Variants in CSNK2A3 observed in about 807,000 individuals in gnomAD.
The protein encoded by CSNK2A3 is casein kinase 2 alpha 3.
CSNK2A3 carries 31 observed loss-of-function variants against 36.5 expected under a neutral mutation model. The ratio of observed to expected loss-of-function variants is 0.85; its 90% confidence interval spans 0.64 to 1.15. The LOEUF (loss-of-function observed/expected upper bound fraction) is 1.15. Ranked by LOEUF, CSNK2A3 falls within the 50% of genes most tolerant of loss-of-function variation. The probability of loss-of-function intolerance (pLI) is 0.00; values close to 1 mark genes in which losing one functional copy is unlikely to be tolerated. For synonymous variants in CSNK2A3, 152 were observed against 176.3 expected (o/e 0.86, Z 1.09); for missense variants, 443 against 487.2 (o/e 0.91, Z 0.85).
chr11:11,353,079 T>C lies in CSNK2A3; in HGVS notation c.41A>G (p.Asp14Gly), dbSNP rs746004196. The change falls in exon 1 of 1, where the codon GAT becomes GGT. Residue 14 changes from aspartate (D) to glycine (G), a missense_variant. Transcript: ENST00000528848. ...PVPSRARVYTDVNTHRPREYW... is the reference protein window; with the variant it reads ...PVPSRARVYTGVNTHRPREYW... ...TTCTCGAGGTCTGTGTGTATTAACA[T>C]CTGTGTAAACTCTGGCCCTGCTTGG... 2 of 1,614,084 alleles carry C rather than the reference T, an allele frequency of 1.2e-6. No individual in the cohort carries two copies. Among genetic ancestry groups the C allele is most frequent in the African/African-American group, 2.7e-5 (2 of 74,924 alleles).
At position 11,352,831 on chromosome 11, in the gene CSNK2A3, G is replaced by C; in HGVS notation, c.289C>G (p.Leu97Val). ...ACAGGGTCTTTTACAATGTCTGCCA[G>C]TGTGATGATGTTGGGACCTCCTCTC... Reference protein sequence around the residue: ...NLRGGPNIITLADIVKDPVSR... With the variant: ...NLRGGPNIITVADIVKDPVSR... The change falls in exon 1 of 1, where the codon CTG (leucine) becomes GTG (valine). Residue 97 changes from leucine to valine, a missense_variant. Coordinates refer to ENST00000528848, the MANE Select transcript of CSNK2A3 (RefSeq NM_001256686.2). 3.1e-6 allele frequency: 5 copies of C among 1,614,228 alleles called. No homozygotes were observed. The highest frequency in any genetic ancestry group is 4.2e-6 in the Non-Finnish European group (5 of 1,180,040).
At position 11,352,719 on chromosome 11, in the gene CSNK2A3, C is replaced by A; in HGVS notation, c.401G>T (p.Arg134Leu). The A allele has an allele frequency of 6.2e-7, 1 of 1,614,066 alleles. No homozygotes were observed. The highest frequency in any genetic ancestry group is 1.1e-5 in the South Asian group (1 of 91,062). Residue 134 changes from arginine (R) to leucine (L), a missense_variant, in exon 1 of 1, where the codon CGA becomes CTA. Transcript: ENST00000528848. Reference sequence around the variant, plus strand: ...CTTCAGAATCTCATACATGTAAAATCGAATATCATAGTCTGTTAACGTCTG... The same window carrying A: ...CTTCAGAATCTCATACATGTAAAATAGAATATCATAGTCTGTTAACGTCTG... ...LYQTLTDYDIRFYMYEILKAL... is the reference protein window; with the variant it reads ...LYQTLTDYDILFYMYEILKAL...
At position 11,352,719 on chromosome 11, in the gene CSNK2A3, C is replaced by T. The variant is rs1043839458; in HGVS notation, c.401G>A (p.Arg134Gln). Reference sequence around the variant, plus strand: ...CTTCAGAATCTCATACATGTAAAATCGAATATCATAGTCTGTTAACGTCTG... The same window carrying T: ...CTTCAGAATCTCATACATGTAAAATTGAATATCATAGTCTGTTAACGTCTG... ...LYQTLTDYDI[R>Q]FYMYEILKAL... Residue 134 changes from arginine (R) to glutamine (Q), a missense_variant, in exon 1 of 1, where the codon CGA becomes CAA. Coordinates refer to ENST00000528848, the MANE Select transcript of CSNK2A3 (RefSeq NM_001256686.2). The T allele has an allele frequency of 8.1e-6, 13 of 1,613,948 alleles. No individual in the cohort carries two copies. Among genetic ancestry groups the T allele is most frequent in the East Asian group, 2.2e-5 (1 of 44,882 alleles).
In CSNK2A3 at chr11:11,352,732, C is replaced by A. The variant is rs768980130; in HGVS notation, c.388G>T (p.Asp130Tyr). Reference sequence around the variant, plus strand: ...TACATGTAAAATCGAATATCATAGTCTGTTAACGTCTGGTACAATTGCTTG... The same window carrying A: ...TACATGTAAAATCGAATATCATAGTATGTTAACGTCTGGTACAATTGCTTG... ...DFKQLYQTLT[D>Y]YDIRFYMYEI... The change falls in exon 1 of 1, where the codon GAC (aspartate) becomes TAC (tyrosine). Residue 130 changes from aspartate to tyrosine, a missense_variant. By Grantham distance (160) the Asp-to-Tyr change is radical. Transcript: ENST00000528848. 9.3e-6 allele frequency: 15 copies of A among 1,614,152 alleles called. No individual in the cohort carries two copies. The South Asian group carries it at 1.4e-4, about 15-fold the overall frequency.
At position 11,352,303 on chromosome 11, in the gene CSNK2A3, A is replaced by G; in HGVS notation, c.817T>C (p.Leu273=). ...IELDPRFNDI[L]GRHSRKRWER... ...CATCGCTTTCGAGAGTGTCTGCCCA[A>G]GATATCATTGAAACGTGGATCTAAT... Residue 273 remains leucine (L), a synonymous_variant, in exon 1 of 1, where the codon TTG becomes CTG. Coordinates refer to ENST00000528848, the MANE Select transcript of CSNK2A3 (RefSeq NM_001256686.2). The G allele has an allele frequency of 4.3e-6, 7 of 1,614,134 alleles. No homozygotes were observed. Among genetic ancestry groups the G allele is most frequent in the Non-Finnish European group, 5.9e-6 (7 of 1,180,026 alleles).
At position 11,353,241 on chromosome 11, in the gene CSNK2A3, GC is replaced by G; in HGVS notation, c.-123del. The G allele has an allele frequency of 1.6e-6, 2 of 1,258,766 alleles. No individual in the cohort carries two copies. The highest frequency in any genetic ancestry group is 2.8e-5 in the South Asian group (2 of 72,704). 78.0% of individuals were successfully genotyped at this position (1,258,766 alleles called of 1,614,324 possible). A position where few individuals can be genotyped will look rare whatever the true frequency, so the allele number is the denominator to read the frequency against. On this transcript the variant is annotated 5_prime_UTR_variant, in exon 1 of 1. Transcript: ENST00000528848. ...CTGTTTTCTTCACACTGTGGTGGAA[GC>G]GGCAGCGGCTGTGGCCGCTCTCCCT...
chr11:11,352,623 T>C lies in CSNK2A3; in HGVS notation c.497A>G (p.His166Arg). The change falls in exon 1 of 1, where the codon CAT becomes CGT. Residue 166 changes from histidine (H) to arginine (R), a missense_variant. Transcript: ENST00000528848. ...DVKPHNVMIDHEHRKLRLIDW... is the reference protein window; with the variant it reads ...DVKPHNVMIDREHRKLRLIDW... ...TATTAGTCGTAGCTTTCTGTGCTCA[T>C]GATCAATCATGACATTATGGGGCTT... 6.2e-7 allele frequency: 1 copy of C among 1,614,218 alleles called. No homozygotes were observed. The highest frequency in any genetic ancestry group is 1.3e-5 in the African/African-American group (1 of 75,066).
Position 11,352,375 on chromosome 11 carries a change from G to A in CSNK2A3, c.745C>T (p.Leu249=). The A allele has an allele frequency of 1.2e-6, 2 of 1,614,026 alleles. No individual in the cohort carries two copies. The highest frequency in any genetic ancestry group is 1.7e-6 in the Non-Finnish European group (2 of 1,180,002). Residue 249 remains leucine, a synonymous_variant, in exon 1 of 1, where the codon CTG becomes TTG. Coordinates refer to ENST00000528848, the MANE Select transcript of CSNK2A3 (RefSeq NM_001256686.2). ...TAGCCATATAAATCTTCTGTCCCCA[G>A]AAACTTGGCTATCCTCACCAACTGA... The part of the protein sequence containing the change: ...YDQLVRIAKF[L]GTEDLYGYID...
In CSNK2A3 at chr11:11,351,955, C is replaced by T. The variant is rs549781353; in HGVS notation, c.1165G>A (p.Ala389Thr). 8.0e-5 allele frequency: 127 copies of T among 1,594,166 alleles called. 1 individual carries two copies. In the South Asian group the frequency reaches 8.2e-4, roughly 10 times the overall value. ...LGMPVPAATG[A>T]QQ Reference sequence around the variant, plus strand: ...GACAGATAGGGCCGTTACTGCTGAGCGCCAGTGGCAGCTGGAACAGGCATC... The same window carrying T: ...GACAGATAGGGCCGTTACTGCTGAGTGCCAGTGGCAGCTGGAACAGGCATC... Residue 389 changes from alanine (A) to threonine (T), a missense_variant, in exon 1 of 1, where the codon GCT becomes ACT. Ala to Thr is a moderately conservative substitution (Grantham distance 58). Coordinates refer to ENST00000528848, the MANE Select transcript of CSNK2A3 (RefSeq NM_001256686.2).
chr11:11,352,145 G>GCC, the CSNK2A3 span: 1 of 1,613,474 alleles, frequency 6.2e-7, no homozygotes, highest in Non-Finnish European at 8.5e-7. Context: ...TCACAACAGT[G>GCC]TAGAAATAGG....
chr11:11,352,812 T>A lies in CSNK2A3; in HGVS notation c.308A>T (p.Asp103Val). Residue 103 changes from aspartate to valine, a missense_variant, in exon 1 of 1, where the codon GAC becomes GTC. Asp to Val is a radical substitution (Grantham distance 152). Transcript: ENST00000528848. ...CAAGGCGGGGGTTCGTGACACAGGG[T>A]CTTTTACAATGTCTGCCAGTGTGAT... ...NIITLADIVK[D>V]PVSRTPALVF... 1 of 1,614,150 alleles carries A rather than the reference T, an allele frequency of 6.2e-7. No homozygotes were observed. Among genetic ancestry groups the A allele is most frequent in the East Asian group, 2.2e-5 (1 of 44,888 alleles).
chr11:11,352,214 G>C lies in CSNK2A3; in HGVS notation c.906C>G (p.Asp302Glu). 1.2e-6 allele frequency: 2 copies of C among 1,613,894 alleles called. No individual in the cohort carries two copies. Among genetic ancestry groups the C allele is most frequent in the African/African-American group, 2.7e-5 (2 of 74,960 alleles). Residue 302 changes from aspartate to glutamate, a missense_variant, in exon 1 of 1, where the codon GAC becomes GAG. Coordinates refer to ENST00000528848, the MANE Select transcript of CSNK2A3 (RefSeq NM_001256686.2). Reference protein sequence around the residue: ...LVSPEALDFLDKLLRYDHQSR... With the variant: ...LVSPEALDFLEKLLRYDHQSR... ...ACTGGTGGTCATATCGCAGCAGTTT[G>C]TCCAGGAAATCCAAGGCCTCAGGGC...
At position 11,352,076 on chromosome 11, in the gene CSNK2A3, G is replaced by A. The variant is rs556564067; in HGVS notation, c.1044C>T (p.Ser348=). Residue 348 remains serine (S), a synonymous_variant, in exon 1 of 1, where the codon AGC becomes AGT. Transcript: ENST00000528848. ...SMPGGSTPVS[S]ANVMSGISSV... ...AAGAAATCCCTGACATCACATTGGC[G>A]CTGCTGACGGGCGTACTGCCCCCTG... 2.5e-4 allele frequency: 411 copies of A among 1,613,756 alleles called. No individual in the cohort carries two copies. The African/African-American group carries it at 4.2e-3, about 17-fold the overall frequency.
Position 11,352,548 on chromosome 11 carries a change from C to T in CSNK2A3, c.572G>A (p.Arg191Gln), listed in dbSNP as rs777379727. The T allele has an allele frequency of 1.5e-5, 25 of 1,614,110 alleles. No individual in the cohort carries two copies. Among genetic ancestry groups the T allele is most frequent in the Admixed American group, 1.3e-4 (8 of 60,016 alleles). The change falls in exon 1 of 1, where the codon CGA becomes CAA. Residue 191 changes from arginine to glutamine, a missense_variant. Coordinates refer to ENST00000528848, the MANE Select transcript of CSNK2A3 (RefSeq NM_001256686.2). ...FYHPGQEYNV[R>Q]VASRYFKGPE... The stretch of plus-strand genomic sequence containing the variant: ...ACCTTTGAAGTATCGGGAAGCAACT[C>T]GGACATTATATTCTTGGCCAGGATG...
At position 11,352,302 on chromosome 11, in the gene CSNK2A3, A is replaced by G. The variant is rs761691131; in HGVS notation, c.818T>C (p.Leu273Ser). The change falls in exon 1 of 1, where the codon TTG (leucine) becomes TCG (serine). Residue 273 changes from leucine to serine, a missense_variant. Coordinates refer to ENST00000528848, the MANE Select transcript of CSNK2A3 (RefSeq NM_001256686.2). ...IELDPRFNDILGRHSRKRWER... is the reference protein window; with the variant it reads ...IELDPRFNDISGRHSRKRWER... ...CCATCGCTTTCGAGAGTGTCTGCCC[A>G]AGATATCATTGAAACGTGGATCTAA... 4 of 1,614,008 alleles carry G rather than the reference A, an allele frequency of 2.5e-6. No homozygotes were observed. In the African/African-American group the frequency reaches 5.3e-5, roughly 22 times the overall value.
chr11:11,353,196 G>A lies in CSNK2A3; in HGVS notation c.-77C>T. 3 of 1,580,046 alleles carry A rather than the reference G, an allele frequency of 1.9e-6. No individual in the cohort carries two copies. The highest frequency in any genetic ancestry group is 2.2e-5 in the East Asian group (1 of 44,566). On this transcript the variant is annotated 5_prime_UTR_variant, in exon 1 of 1. Transcript: ENST00000528848. ...TCACTGTGTTCAGAAGCAGCTTGGGGGTAAGACCTTGTTTCAGACCTGTTT... is the reference window on the plus strand; with the variant it reads ...TCACTGTGTTCAGAAGCAGCTTGGGAGTAAGACCTTGTTTCAGACCTGTTT...
chr11:11,353,217 T>C lies in CSNK2A3; in HGVS notation c.-98A>G. On this transcript the variant is annotated 5_prime_UTR_variant, in exon 1 of 1. Coordinates refer to ENST00000528848, the MANE Select transcript of CSNK2A3 (RefSeq NM_001256686.2). The stretch of plus-strand genomic sequence containing the variant: ...TGGGGGTAAGACCTTGTTTCAGACC[T>C]GTTTTCTTCACACTGTGGTGGAAGC... 1 of 1,459,652 alleles carries C rather than the reference T, an allele frequency of 6.9e-7. No homozygotes were observed. Among genetic ancestry groups the C allele is most frequent in the South Asian group, 1.2e-5 (1 of 83,984 alleles). 90.4% of individuals were successfully genotyped at this position (1,459,652 alleles called of 1,614,324 possible). A position where few individuals can be genotyped will look rare whatever the true frequency, so the allele number is the denominator to read the frequency against.
Position 11,352,067 on chromosome 11 carries a change from C to G in CSNK2A3, c.1053G>C (p.Val351=). Residue 351 remains valine (V), a synonymous_variant, in exon 1 of 1, where the codon GTG becomes GTC. Coordinates refer to ENST00000528848, the MANE Select transcript of CSNK2A3 (RefSeq NM_001256686.2). ...TTGGCACTGAAGAAATCCCTGACAT[C>G]ACATTGGCGCTGCTGACGGGCGTAC... The part of the protein sequence containing the change: ...GGSTPVSSAN[V]MSGISSVPTP... 6.2e-7 allele frequency: 1 copy of G among 1,613,790 alleles called. No individual in the cohort carries two copies. The highest frequency in any genetic ancestry group is 8.5e-7 in the Non-Finnish European group (1 of 1,179,988).
At position 11,352,414 on chromosome 11, in the gene CSNK2A3, G is replaced by C. The variant is rs1474657029; in HGVS notation, c.706C>G (p.Arg236Gly). Residue 236 changes from arginine to glycine, a missense_variant, in exon 1 of 1, where the codon CGT (arginine) becomes GGT (glycine). Coordinates refer to ENST00000528848, the MANE Select transcript of CSNK2A3 (RefSeq NM_001256686.2). ...IFRKEPFFHG[R>G]DNYDQLVRIA... The stretch of plus-strand genomic sequence containing the variant: ...CTCACCAACTGATCATAATTGTCAC[G>C]TCCATGGAAAAATGGCTCCTTCCGA... 6.2e-7 allele frequency: 1 copy of C among 1,613,982 alleles called. No individual in the cohort carries two copies. The highest frequency in any genetic ancestry group is 8.5e-7 in the Non-Finnish European group (1 of 1,180,026).
Sources: gnomAD v4.1 joint callset for allele counts on GRCh38, gnomAD v4.1.1 for gene constraint, MANE v1.5 for transcripts, NCBI Gene and HGNC (gene_info 2026-07-23, HGNC 2026-07-21) for gene names.